GATA4: variants seen among roughly 807,000 people sequenced by gnomAD.
GATA4 encodes transcription factor GATA-4.
GATA4 carries 7 observed loss-of-function variants against 37.9 expected under a neutral mutation model. The ratio of observed to expected loss-of-function variants is 0.18; its 90% CI spans 0.11 to 0.35. The LOEUF (loss-of-function observed/expected upper bound fraction) is 0.35. GATA4 is among the 10% of genes least tolerant of loss of function. The probability of loss-of-function intolerance (pLI) is 1.00; values close to 1 mark genes in which losing one functional copy is unlikely to be tolerated. For synonymous variants in GATA4, 372 were observed against 292.6 expected (o/e 1.27, Z -2.77); for missense variants, 647 against 653.0 (o/e 0.99, Z 0.10).
At chr8:11,751,471 G>A (rs1802300013) in intron 4 of GATA4, among the ~76,000 whole-genome samples, 3 of 152,196 alleles carry the variant, frequency 2.0e-5, no homozygotes, top group Admixed American at 1.3e-4. Flanking sequence ...GTCCTGGGGA[G>A]AAGGGATTGG....
intron 1 of GATA4, among the ~76,000 whole-genome samples, chr8:11,683,667 C>T (rs1799048962): frequency 1.3e-5 from 2 of 152,168 alleles, no homozygotes; most frequent in African/African-American, 4.8e-5. Context: ...GGACTAAAGC[C>T]GGAGACTGGG....
chr8:11,709,582 G>GC lies in GATA4; in HGVS notation c.616+654_616+655insC, dbSNP rs989720358. ...GGCGCATCATGCGGGCAGCGGGGGG[G>GC]GGGGCGCACACGCCCGGTCAGTGTC... On this transcript the variant is annotated intron_variant, in intron 2 of 6. Transcript: ENST00000532059. The surrounding 1 kb of genome is among the most constrained non-coding windows in gnomAD (Gnocchi z 4.3). Among the ~76,000 whole-genome samples, 8 of 151,978 alleles carry GC rather than the reference G, an allele frequency of 5.3e-5. No individual in the cohort carries two copies. The highest frequency in any genetic ancestry group is 4.6e-4 in the Admixed American group (7 of 15,262).
chr8:11,699,487 G>C (rs1008537804), upstream of GATA4, among the ~76,000 whole-genome samples: 2 of 152,250 alleles, frequency 1.3e-5, no homozygotes, highest in Non-Finnish European at 2.9e-5. Context: ...TGGGTGGTGG[G>C]TGGCCTGGGC....
intron 2 of GATA4, among the ~76,000 whole-genome samples, chr8:11,734,495 C>T (rs989276197): frequency 1.2e-4 from 18 of 150,502 alleles, no homozygotes; most frequent in African/African-American, 4.2e-4. Context: ...CTTTTCTTTT[C>T]TTTTTTTTGA....
intron 5 of GATA4, among the ~76,000 whole-genome samples, chr8:11,755,345 A>T (rs1375826266): frequency 1.3e-5 from 2 of 152,148 alleles, no homozygotes; most frequent in Non-Finnish European, 2.9e-5. Flanking sequence ...AGCAGGCTCA[A>T]CTCAAGCTGG....
At chr8:11,706,098 A>T (rs569937948) in intron 1 of GATA4, 21 of 152,358 alleles carry the variant, frequency 1.4e-4, no homozygotes, top group East Asian at 7.7e-4. Context: ...GTCAATTTTT[A>T]AAAAAATCTA....
At chr8:11,701,155 A>G (rs1799661095), upstream of GATA4, among the ~76,000 whole-genome samples, 2 of 149,384 alleles carry the variant, frequency 1.3e-5, no homozygotes, top group Admixed American at 1.4e-4. Flanking sequence ...CCTTGGAGAT[A>G]TTTTTTAAAA....
At chr8:11,719,534 C>T (rs1170646060) in intron 2 of GATA4, among the ~76,000 whole-genome samples, 3 of 151,964 alleles carry the variant, frequency 2.0e-5, no homozygotes, top group African/African-American at 2.4e-5. Flanking sequence ...TTTTATGAAA[C>T]TCAATGTATA....
intron 5 of GATA4, 98 bp downstream of exon 5, chr8:11,755,231 G>A (rs572985708): frequency 1.7e-5 from 16 of 952,676 alleles, no homozygotes; most frequent in East Asian, 1.3e-4. Context: ...AGCCCGGGCC[G>A]CCAGGGGGTG....
chr8:11,689,392 G>T (rs1239944521), upstream of GATA4, among the ~76,000 whole-genome samples: 1 of 152,124 alleles, frequency 6.6e-6, no homozygotes, highest in Non-Finnish European at 1.5e-5. Context: ...TGATTACCCA[G>T]AACAGCAGCA....
chr8:11,730,995 C>T (rs369516777), intron 2 of GATA4, among the ~76,000 whole-genome samples: 18 of 152,246 alleles, frequency 1.2e-4, no homozygotes, highest in South Asian at 4.1e-4. Flanking sequence ...GCGAGCTTCT[C>T]GGGCAGTCTT....
intron 1 of GATA4, chr8:11,681,177 G>C: frequency 1.0e-6 from 1 of 985,436 alleles, no homozygotes; most frequent in Non-Finnish European, 1.2e-6. Flanking sequence ...ACCTTCGGGG[G>C]TTAGTCACAG....
Position 11,758,623 on chromosome 8 carries a change from T to G in GATA4, c.*148T>G. 2 of 778,960 alleles carry G rather than the reference T, an allele frequency of 2.6e-6. No individual in the cohort carries two copies. Among genetic ancestry groups the G allele is most frequent in the Non-Finnish European group, 4.4e-6 (2 of 455,822 alleles). 48.3% of individuals were successfully genotyped at this position (778,960 alleles called of 1,614,324 possible). ...GGGAAGAAACTTGAAGTCGACAATC[T>G]GGTTAGGGGAAGCGGGTGTTGGATT... On this transcript the variant is annotated 3_prime_UTR_variant, in exon 7 of 7. Coordinates refer to ENST00000532059, the MANE Select transcript of GATA4 (RefSeq NM_001308093.3).
At chr8:11,714,387 A>G (rs1313638548) in intron 2 of GATA4, among the ~76,000 whole-genome samples, 2 of 152,054 alleles carry the variant, frequency 1.3e-5, no homozygotes. Context: ...GTCAGTGAAA[A>G]ACCCCGAAGT....
At chr8:11,751,288 T>C (rs1002402768) in intron 4 of GATA4, among the ~76,000 whole-genome samples, 4 of 152,140 alleles carry the variant, frequency 2.6e-5, no homozygotes, top group African/African-American at 9.7e-5. Context: ...AAAGGCAAGG[T>C]GCCCAACACT....
At chr8:11,723,194 A>C (rs1219079271) in intron 2 of GATA4, among the ~76,000 whole-genome samples, 3 of 152,032 alleles carry the variant, frequency 2.0e-5, no homozygotes, top group Non-Finnish European at 4.4e-5. Flanking sequence ...AAAATAAATA[A>C]ATAAATAAAT....
chr8:11,694,210 A>G (rs1190115750), intron 1 of GATA4, among the ~76,000 whole-genome samples: 1 of 152,210 alleles, frequency 6.6e-6, no homozygotes, highest in Non-Finnish European at 1.5e-5. Flanking sequence ...CATAGTAAAC[A>G]TTCAATAAAT....
upstream of GATA4, among the ~76,000 whole-genome samples, chr8:11,691,563 C>G (rs1799314663): frequency 6.6e-6 from 1 of 152,212 alleles, no homozygotes; most frequent in African/African-American, 2.4e-5. Context: ...AGGAAGGAAC[C>G]TGGGAGACAG....
intron 2 of GATA4, among the ~76,000 whole-genome samples, chr8:11,743,543 G>T (rs920512757): frequency 1.3e-5 from 2 of 152,258 alleles, no homozygotes; most frequent in African/African-American, 4.8e-5. Flanking sequence ...GGCCAGCAGT[G>T]CCCAGGGGAG....
Sources: allele counts gnomAD v4.1 joint callset (sites outside exome capture counted in the v4.1 genomes callset), GRCh38; gene constraint gnomAD v4.1.1; non-coding constraint Gnocchi (gnomAD v3.1); transcripts MANE v1.5; gene names NCBI Gene and HGNC (gene_info 2026-07-23, HGNC 2026-07-21).